Variants in CMTM8 observed in about 807,000 individuals in gnomAD.
CMTM8 encodes the protein CKLF-like MARVEL transmembrane domain-containing protein 8.
CMTM8 carries 12 observed loss-of-function variants against 18.6 expected under a neutral mutation model. The ratio of observed to expected loss-of-function variants is 0.65; its 90% confidence interval spans 0.41 to 1.05. The LOEUF (loss-of-function observed/expected upper bound fraction) is 1.05, where lower values mean the gene tolerates loss of function less well. Among genes scored for constraint, CMTM8 ranks in the 50% least tolerant of loss-of-function variants. The pLI is 0.00. For synonymous variants in CMTM8, 87 were observed against 90.6 expected, an observed-to-expected ratio of 0.96 and a Z score of 0.23; for missense variants, 217 against 227.2, an observed-to-expected ratio of 0.95 and a Z score of 0.29.
intron 1 of CMTM8, among the ~76,000 whole-genome samples, chr3:32,355,500 C>T (rs1402288013): frequency 6.6e-6 from 1 of 152,168 alleles, no homozygotes; most frequent in Non-Finnish European, 1.5e-5. Flanking sequence ...TATTCACTGC[C>T]ACCATATTGG....
chr3:32,309,749 A>T (rs1178115421), intron 1 of CMTM8, among the ~76,000 whole-genome samples: 1 of 152,206 alleles, frequency 6.6e-6, no homozygotes, highest in Non-Finnish European at 1.5e-5. Flanking sequence ...CCTGTGGTTC[A>T]TCAGAAGTCC....
Position 32,369,239 on chromosome 3 carries a change from A to G in CMTM8, c.439-645A>G, listed in dbSNP as rs1052747412. 4.6e-5 allele frequency among the ~76,000 whole-genome samples: 7 copies of G among 152,128 alleles called. 1 individual carries two copies. The South Asian group carries it at 1.0e-3, about 22-fold the overall frequency. On this transcript the variant is annotated intron_variant, in intron 3 of 3. Transcript: ENST00000307526. Reference sequence around the variant, plus strand: ...TGAGGCAGGAGAATTGCTTGAACCCAGGAGGCAGAGGTTGCAGTGAGCCAA... The same window carrying G: ...TGAGGCAGGAGAATTGCTTGAACCCGGGAGGCAGAGGTTGCAGTGAGCCAA...
chr3:32,288,493 G>T (rs1204979072), intron 1 of CMTM8, among the ~76,000 whole-genome samples: 1 of 129,416 alleles, frequency 7.7e-6, no homozygotes, highest in Non-Finnish European at 1.6e-5. Flanking sequence ...GTGTTGAGTA[G>T]GCTATACAGC....
intron 1 of CMTM8, among the ~76,000 whole-genome samples, chr3:32,346,556 G>GTC (rs1696599553): frequency 6.6e-6 from 1 of 152,206 alleles, no homozygotes; most frequent in South Asian, 2.1e-4. Flanking sequence ...TTCTTGCTGT[G>GTC]TCTTTACATG....
chr3:32,288,897 A>G (rs1037795661), intron 1 of CMTM8, among the ~76,000 whole-genome samples: 2 of 152,166 alleles, frequency 1.3e-5, no homozygotes, highest in African/African-American at 4.8e-5. Context: ...CCATTAGCTC[A>G]TTTTCATGGT....
chr3:32,325,656 G>A (rs1696135698), intron 1 of CMTM8, among the ~76,000 whole-genome samples: 2 of 152,124 alleles, frequency 1.3e-5, no homozygotes, highest in South Asian at 2.1e-4. Context: ...TTAAATTTTT[G>A]TGAGCTGTCT....
chr3:32,295,739 C>T (rs960189223), intron 1 of CMTM8, among the ~76,000 whole-genome samples: 4 of 152,084 alleles, frequency 2.6e-5, no homozygotes, highest in Admixed American at 2.6e-4. Flanking sequence ...CTGCTTAAAC[C>T]CCTAGCAGCT....
chr3:32,279,881 T>G (rs971326832), intron 1 of CMTM8, among the ~76,000 whole-genome samples: 9 of 148,348 alleles, frequency 6.1e-5, no homozygotes, highest in African/African-American at 1.8e-4. Flanking sequence ...CTAACTGGTG[T>G]GAGATGATAT....
chr3:32,275,100 G>T (rs1194486843), intron 1 of CMTM8, among the ~76,000 whole-genome samples: 1 of 152,024 alleles, frequency 6.6e-6, no homozygotes, highest in African/African-American at 2.4e-5. Context: ...ACCTCCCAAG[G>T]CTCAAGCAGT....
chr3:32,338,748 A>G (rs1477726184), intron 1 of CMTM8, among the ~76,000 whole-genome samples: 1 of 152,232 alleles, frequency 6.6e-6, no homozygotes, highest in African/African-American at 2.4e-5. Flanking sequence ...TAAATGTAAT[A>G]GCCTAAAGCA....
intron 1 of CMTM8, among the ~76,000 whole-genome samples, chr3:32,258,483 GTT>G (rs1702204454): frequency 6.6e-6 from 1 of 152,036 alleles, no homozygotes; most frequent in South Asian, 2.1e-4. Flanking sequence ...TTGTCCCTTA[GTT>G]TTATTTACAG....
At position 32,291,071 on chromosome 3, in the gene CMTM8, A is replaced by G. The variant is rs187843209; in HGVS notation, c.147+51952A>G. 8.1e-4 allele frequency among the ~76,000 whole-genome samples: 123 copies of G among 151,846 alleles called. 1 individual carries two copies. The highest frequency in any genetic ancestry group is 2.9e-3 in the African/African-American group (119 of 41,404). ...CCAATTTTATTTTCAAGATTTTACC[A>G]CTAGCAATATGTAGGATAAATGGGA... is the stretch of plus-strand genomic sequence containing the variant. On this transcript the variant is annotated intron_variant, in intron 1 of 3. Coordinates refer to ENST00000307526, the MANE Select transcript of CMTM8 (RefSeq NM_178868.5).
chr3:32,252,637 T>G (rs567033782), intron 1 of CMTM8, among the ~76,000 whole-genome samples: 37 of 152,358 alleles, frequency 2.4e-4, no homozygotes, highest in African/African-American at 8.9e-4. Flanking sequence ...AAAAATGAAT[T>G]GGATTTCACT....
In CMTM8 at chr3:32,252,147, A is replaced by G. The variant is rs561119328; in HGVS notation, c.147+13028A>G. ...AATTTTAAGAAGTCTTTTTGTGTGTATAATGTAAGAATTTTACTTCTTTAC... is the reference window on the plus strand; with the variant it reads ...AATTTTAAGAAGTCTTTTTGTGTGTGTAATGTAAGAATTTTACTTCTTTAC... On this transcript the variant is annotated intron_variant, in intron 1 of 3. Transcript: ENST00000307526. Among the ~76,000 whole-genome samples the G allele has an allele frequency of 4.6e-5, 7 of 152,324 alleles. No individual in the cohort carries two copies. The South Asian group carries it at 1.4e-3, about 32-fold the overall frequency.
At chr3:32,259,002 G>A in intron 1 of CMTM8, 1 of 343,818 alleles carries the variant, frequency 2.9e-6, no homozygotes, top group Non-Finnish European at 5.6e-6. Context: ...CTGTCCAGGG[G>A]CCCAGCTACT....
chr3:32,312,441 A>G (rs912946505), intron 1 of CMTM8, among the ~76,000 whole-genome samples: 1 of 151,854 alleles, frequency 6.6e-6, no homozygotes, highest in African/African-American at 2.4e-5. Flanking sequence ...CATTTACTGT[A>G]AAGGATATTA....
intron 1 of CMTM8, among the ~76,000 whole-genome samples, chr3:32,294,532 C>T (rs1459451433): frequency 6.6e-6 from 1 of 152,136 alleles, no homozygotes; most frequent in East Asian, 1.9e-4. Flanking sequence ...CCAGCCTTAC[C>T]ACTTACTATC....
chr3:32,277,848 A>G (rs1177186108), intron 1 of CMTM8, among the ~76,000 whole-genome samples: 1 of 152,232 alleles, frequency 6.6e-6, no homozygotes, highest in Non-Finnish European at 1.5e-5. Context: ...TCCTCATGGC[A>G]GTAATCCTTT....
chr3:32,288,719 C>A (rs1398587758), intron 1 of CMTM8, among the ~76,000 whole-genome samples: 2 of 152,184 alleles, frequency 1.3e-5, no homozygotes, highest in Non-Finnish European at 2.9e-5. Context: ...CCAGGATGTT[C>A]TCGATCTCCT....
Sources: gnomAD v4.1 joint callset for allele counts (sites outside exome capture counted in the v4.1 genomes callset) on GRCh38, gnomAD v4.1.1 for gene constraint, MANE v1.5 for transcripts, NCBI Gene and HGNC (gene_info 2026-07-23, HGNC 2026-07-21) for gene names.